The following NRG3 variants were observed in gnomAD, a reference collection of about 807,000 sequenced individuals.
NRG3 encodes the protein pro-neuregulin-3, membrane-bound isoform.
In NRG3, 31 loss-of-function variants were observed where a neutral mutation model predicts 66.9. The ratio of observed to expected loss-of-function variants is 0.46; its 90% CI spans 0.35 to 0.63. The LOEUF is 0.63. Ranked by LOEUF, NRG3 falls within the 20% of genes least tolerant of loss-of-function variation. The pLI, the probability that NRG3 is intolerant of heterozygous loss-of-function variation, is 0.00. For synonymous variants in NRG3, 393 were observed against 359.4 expected, an observed-to-expected ratio of 1.09 and a Z score of -1.06; for missense variants, 910 against 878.9, an observed-to-expected ratio of 1.04 and a Z score of -0.45.
chr10:82,182,891 A>T (rs958699833), intron 1 of NRG3, among the ~76,000 whole-genome samples: 2 of 151,916 alleles, frequency 1.3e-5, no homozygotes, highest in Non-Finnish European at 2.9e-5. Flanking sequence ...GAGTTTTGCC[A>T]GGTATAATAT....
At chr10:82,040,298 A>G (rs570910104) in intron 1 of NRG3, among the ~76,000 whole-genome samples, 3 of 152,238 alleles carry the variant, frequency 2.0e-5, no homozygotes, top group Middle Eastern at 3.4e-3. Flanking sequence ...ATGCATATGT[A>G]TACATGTATA....
intron 3 of NRG3, among the ~76,000 whole-genome samples, chr10:82,801,609 C>A (rs2135438181): frequency 6.6e-6 from 1 of 152,248 alleles, no homozygotes; most frequent in Non-Finnish European, 1.5e-5. Flanking sequence ...TTGTAATCTT[C>A]AGCTGCCTTT....
intron 1 of NRG3, among the ~76,000 whole-genome samples, chr10:82,128,135 A>G (rs1020531072): frequency 6.6e-6 from 1 of 151,954 alleles, no homozygotes; most frequent in East Asian, 1.9e-4. Context: ...TCGTGATTCC[A>G]ATGGAAGATA....
At chr10:82,513,572 A>C (rs1845393319) in intron 2 of NRG3, among the ~76,000 whole-genome samples, 1 of 152,136 alleles carries the variant, frequency 6.6e-6, no homozygotes, top group Non-Finnish European at 1.5e-5. Context: ...AAGAGCGTAA[A>C]AAGCATTTTA....
chr10:82,089,637 C>T (rs763092681), intron 1 of NRG3, among the ~76,000 whole-genome samples: 7 of 152,072 alleles, frequency 4.6e-5, no homozygotes, highest in Non-Finnish European at 1.0e-4. Flanking sequence ...CTCTAATAAA[C>T]GAGTTGAATA....
chr10:82,347,666 G>T (rs1239710448), intron 1 of NRG3, among the ~76,000 whole-genome samples: 1 of 152,078 alleles, frequency 6.6e-6, no homozygotes, highest in African/African-American at 2.4e-5. Context: ...TGACAGTGGG[G>T]TGTTAAAGTC....
chr10:82,560,225 TA>T (rs1169431551), intron 2 of NRG3, among the ~76,000 whole-genome samples: 1 of 151,768 alleles, frequency 6.6e-6, no homozygotes, highest in Non-Finnish European at 1.5e-5. Flanking sequence ...TTCCAGTTTT[TA>T]AAAAGTTGGT....
chr10:82,648,930 A>G (rs1224901761), intron 2 of NRG3, among the ~76,000 whole-genome samples: 1 of 152,120 alleles, frequency 6.6e-6, no homozygotes, highest in Non-Finnish European at 1.5e-5. Flanking sequence ...ACAACCCTTC[A>G]TGCTAAAAAC....
At chr10:81,883,480 G>T (rs1223788266) in intron 1 of NRG3, among the ~76,000 whole-genome samples, 1 of 152,094 alleles carries the variant, frequency 6.6e-6, no homozygotes, top group Non-Finnish European at 1.5e-5. Flanking sequence ...TTTAATAATG[G>T]AAGTTTAGCA....
intron 1 of NRG3, among the ~76,000 whole-genome samples, chr10:81,929,140 A>C (rs1313529470): frequency 1.3e-5 from 2 of 151,972 alleles, no homozygotes; most frequent in Non-Finnish European, 2.9e-5. Context: ...ACTTTTTTTT[A>C]AATTGACTTT....
intron 1 of NRG3, among the ~76,000 whole-genome samples, chr10:81,993,284 G>A (rs2060809605): frequency 1.3e-5 from 2 of 152,152 alleles, no homozygotes. Flanking sequence ...AGCCTAGAGA[G>A]AGGATATTAG....
At chr10:82,548,820 G>C (rs1219395110) in intron 2 of NRG3, among the ~76,000 whole-genome samples, 2 of 152,168 alleles carry the variant, frequency 1.3e-5, no homozygotes, top group African/African-American at 2.4e-5. Flanking sequence ...GCAGAAAGCA[G>C]AAAAGAGGTA....
intron 1 of NRG3, among the ~76,000 whole-genome samples, chr10:82,140,686 T>C (rs1280794227): frequency 6.6e-6 from 1 of 151,988 alleles, no homozygotes; most frequent in African/African-American, 2.4e-5. Flanking sequence ...GAACTCTGAT[T>C]ACTATTTCAC....
At chr10:82,968,550 C>T (rs900439106) in intron 6 of NRG3, among the ~76,000 whole-genome samples, 11 of 151,896 alleles carry the variant, frequency 7.2e-5, no homozygotes, top group Non-Finnish European at 2.9e-5. Context: ...GAGTGTTATC[C>T]GGAATTTTGG....
At chr10:82,834,330 C>T (rs568222810) in intron 3 of NRG3, among the ~76,000 whole-genome samples, 62 of 152,230 alleles carry the variant, frequency 4.1e-4, no homozygotes, top group Admixed American at 7.2e-4. Context: ...ATTTCTAAGC[C>T]GTTCACTCCT....
chr10:82,715,105 T>G (rs1490587135), intron 2 of NRG3, among the ~76,000 whole-genome samples: 1 of 152,154 alleles, frequency 6.6e-6, no homozygotes, highest in Non-Finnish European at 1.5e-5. Context: ...GTTTAAAGTC[T>G]TGGGTGTGGC....
intron 1 of NRG3, among the ~76,000 whole-genome samples, chr10:82,197,981 A>T (rs980369753): frequency 2.0e-5 from 3 of 152,214 alleles, no homozygotes; most frequent in Non-Finnish European, 4.4e-5. Context: ...TAGTCTTATC[A>T]AAAAAGAGAA....
At chr10:82,277,197 G>T (rs188288824) in intron 1 of NRG3, among the ~76,000 whole-genome samples, 1,683 of 151,930 alleles carry the variant, frequency 0.011, 18 homozygotes, top group Non-Finnish European at 0.015. Flanking sequence ...ACCCAGAAAG[G>T]CCTCTAAGTA....
chr10:82,579,853 A>G (rs748893275), intron 2 of NRG3, among the ~76,000 whole-genome samples: 11 of 151,966 alleles, frequency 7.2e-5, no homozygotes, highest in African/African-American at 2.7e-4. Flanking sequence ...ATTTATCTGT[A>G]TAGTAATAGT....
Sources: gnomAD v4.1 joint callset for allele counts (sites outside exome capture counted in the v4.1 genomes callset) on GRCh38, gnomAD v4.1.1 for gene constraint, MANE v1.5 for transcripts, NCBI Gene and HGNC (gene_info 2026-07-23, HGNC 2026-07-21) for gene names.